GALNTL6: variants seen among roughly 807,000 people sequenced by gnomAD.
The protein encoded by GALNTL6 is polypeptide N-acetylgalactosaminyltransferase like 6, also known as polypeptide N-acetylgalactosaminyltransferase-like 6.
Under a neutral mutation model 73.7 loss-of-function variants are expected in GALNTL6, and 46 were observed. The ratio of observed to expected loss-of-function variants is 0.62; its 90% confidence interval spans 0.49 to 0.80. The LOEUF is 0.80. Among genes scored for constraint, GALNTL6 ranks in the 30% least tolerant of loss-of-function variants. The probability of loss-of-function intolerance (pLI) is 0.00; values close to 1 mark genes in which losing one functional copy is unlikely to be tolerated. For missense variants in GALNTL6, 604 were observed against 755.0 expected, an observed-to-expected ratio of 0.80 and a Z score of 2.34; for synonymous variants, 259 against 263.7, an observed-to-expected ratio of 0.98 and a Z score of 0.17.
intron 3 of GALNTL6, among the ~76,000 whole-genome samples, chr4:172,305,320 G>C (rs1277646966): frequency 1.3e-5 from 2 of 152,018 alleles, no homozygotes; most frequent in Non-Finnish European, 2.9e-5. Flanking sequence ...TTGTAAGACA[G>C]CAATTTTTCT....
chr4:172,569,585 G>A (rs573636259), intron 5 of GALNTL6, among the ~76,000 whole-genome samples: 6 of 152,208 alleles, frequency 3.9e-5, no homozygotes, highest in African/African-American at 7.2e-5. Context: ...GAGTTTACTC[G>A]GCATCAACAG....
chr4:172,338,493 G>C (rs1184533766), intron 4 of GALNTL6, among the ~76,000 whole-genome samples: 1 of 151,952 alleles, frequency 6.6e-6, no homozygotes. Flanking sequence ...TTCCTGGGGG[G>C]TATGACTGTA....
intron 2 of GALNTL6, among the ~76,000 whole-genome samples, chr4:171,988,175 T>C (rs879398759): frequency 3.9e-4 from 59 of 152,304 alleles, no homozygotes; most frequent in South Asian, 8.3e-4. Flanking sequence ...ACAGAAAGGC[T>C]ACAGGGTGCA....
rs530416502 is a variant in GALNTL6 at position 172,742,078 on chromosome 4, T to G, written c.554-67283T>G. Among the ~76,000 whole-genome samples the G allele has an allele frequency of 9.9e-5, 15 of 152,190 alleles. No homozygotes were observed. The East Asian group carries it at 1.3e-3, about 14-fold the overall frequency. On this transcript the variant is annotated intron_variant, in intron 5 of 12. Transcript: ENST00000506823. ...TAAAACATCTCTCAGTTCTCTAGTT[T>G]GTCACAAAACCATTTGATACATGTA...
At chr4:172,670,373 G>C (rs1352863179) in intron 5 of GALNTL6, among the ~76,000 whole-genome samples, 1 of 151,638 alleles carries the variant, frequency 6.6e-6, no homozygotes, top group Non-Finnish European at 1.5e-5. Context: ...ATCTAATTTT[G>C]GTTTTGTTTT....
chr4:172,140,587 G>A (rs1241391831), intron 2 of GALNTL6, among the ~76,000 whole-genome samples: 1 of 151,898 alleles, frequency 6.6e-6, no homozygotes, highest in Non-Finnish European at 1.5e-5. Context: ...ATTTTCTCAA[G>A]GTCACAACTA....
At chr4:173,033,012 T>C (rs1330178817) in intron 12 of GALNTL6, among the ~76,000 whole-genome samples, 1 of 152,192 alleles carries the variant, frequency 6.6e-6, no homozygotes, top group Non-Finnish European at 1.5e-5. Flanking sequence ...TCTTTTCTTT[T>C]TTTTTTGAGA....
At chr4:172,261,099 A>G (rs1248831169) in intron 3 of GALNTL6, among the ~76,000 whole-genome samples, 5 of 151,282 alleles carry the variant, frequency 3.3e-5, no homozygotes, top group South Asian at 2.1e-4. Flanking sequence ...TTGTGGTATT[A>G]TATTAGATTG....
Position 172,311,601 on chromosome 4 carries a change from T to C in GALNTL6, c.248-13T>C. ...TATAGAGATGATAATCTCATTTTGT[T>C]TTCTCCTGCTAGGGAAAGGTGAACA... On this transcript the variant is annotated splice_polypyrimidine_tract_variant and intron_variant, in intron 3 of 12. Transcript: ENST00000506823. The C allele has an allele frequency of 6.3e-7, 1 of 1,590,100 alleles. No homozygotes were observed. The highest frequency in any genetic ancestry group is 8.6e-7 in the Non-Finnish European group (1 of 1,168,132).
At chr4:172,054,123 A>G (rs896830246) in intron 2 of GALNTL6, among the ~76,000 whole-genome samples, 4 of 152,060 alleles carry the variant, frequency 2.6e-5, no homozygotes, top group Non-Finnish European at 5.9e-5. Flanking sequence ...ACACTTTAAC[A>G]TATCTAGGGA....
At chr4:172,519,914 A>G (rs1734721987) in intron 5 of GALNTL6, among the ~76,000 whole-genome samples, 1 of 151,740 alleles carries the variant, frequency 6.6e-6, no homozygotes, top group African/African-American at 2.4e-5. Context: ...TGATGCTATC[A>G]TAAAAAAAAA....
At chr4:173,001,703 G>C (rs538846786) in intron 10 of GALNTL6, among the ~76,000 whole-genome samples, 2 of 152,040 alleles carry the variant, frequency 1.3e-5, no homozygotes, top group African/African-American at 4.8e-5. Context: ...TCAGAAATAG[G>C]CAAAGAACCT....
intron 5 of GALNTL6, among the ~76,000 whole-genome samples, chr4:172,804,314 A>G (rs868441169): frequency 2.6e-5 from 4 of 152,208 alleles, no homozygotes; most frequent in African/African-American, 4.8e-5. Context: ...ATAATCCATT[A>G]CATTTCAGAA....
chr4:172,800,829 GA>G (rs35470544), intron 5 of GALNTL6, among the ~76,000 whole-genome samples: 124,203 of 151,476 alleles, frequency 0.82, 50,927 homozygotes, highest in East Asian at 0.94. Context: ...TATGTCATCG[GA>G]AAAAAAAAGA....
chr4:171,961,218 G>T (rs1318185321), intron 2 of GALNTL6, among the ~76,000 whole-genome samples: 1 of 152,058 alleles, frequency 6.6e-6, no homozygotes, highest in Non-Finnish European at 1.5e-5. Context: ...TAATAAATCA[G>T]ATTTGACTTA....
chr4:172,211,977 G>A (rs890469912), intron 2 of GALNTL6, among the ~76,000 whole-genome samples: 62 of 152,100 alleles, frequency 4.1e-4, no homozygotes, highest in African/African-American at 1.4e-3. Flanking sequence ...GCAACTTTCC[G>A]ACCATAGCAA....
Position 172,833,774 on chromosome 4 carries a change from T to C in GALNTL6, c.923+20051T>C, listed in dbSNP as rs184851749. On this transcript the variant is annotated intron_variant, in intron 7 of 12. Transcript: ENST00000506823. Reference sequence around the variant, plus strand: ...AAGTCTCAAAACTGAAGTCAGTGGATGGCAAAAACTTCTTTCCACAGAGAG... The same window carrying C: ...AAGTCTCAAAACTGAAGTCAGTGGACGGCAAAAACTTCTTTCCACAGAGAG... Among the ~76,000 whole-genome samples the C allele has an allele frequency of 3.3e-5, 5 of 152,308 alleles. No individual in the cohort carries two copies. In the East Asian group the frequency reaches 5.8e-4, roughly 18 times the overall value.
Position 172,961,008 on chromosome 4 carries a change from G to A in GALNTL6, c.1371+8750G>A, listed in dbSNP as rs1750023899. 2.2e-5 allele frequency among the ~76,000 whole-genome samples: 3 copies of A among 133,388 alleles called. No individual in the cohort carries two copies. In the Admixed American group the frequency reaches 2.3e-4, roughly 10 times the overall value. 87.5% of individuals were successfully genotyped at this position (133,388 alleles called of 152,430 possible). ...GAGACACGGGGAGAAGGGGTTGGGG[G>A]GTTCTTGCCCACCAGAAAAGCGGAG... is the stretch of plus-strand genomic sequence containing the variant. On this transcript the variant is annotated intron_variant, in intron 10 of 12. Transcript: ENST00000506823.
intron 4 of GALNTL6, 108 bp downstream of exon 4, chr4:172,311,860 C>T (rs1482091675): frequency 1.3e-6 from 1 of 746,048 alleles, no homozygotes; most frequent in Non-Finnish European, 2.0e-6. Flanking sequence ...AATATTTTAT[C>T]CTAATAATTT....
Sources: gnomAD v4.1 joint callset for allele counts (sites outside exome capture counted in the v4.1 genomes callset) on GRCh38, gnomAD v4.1.1 for gene constraint, MANE v1.5 for transcripts, NCBI Gene and HGNC (gene_info 2026-07-23, HGNC 2026-07-21) for gene names.